The following UBE3A variants were observed in gnomAD, a reference collection of about 807,000 sequenced individuals.
UBE3A encodes ubiquitin protein ligase E3A.
In UBE3A, 6 loss-of-function variants were observed where a neutral mutation model predicts 83.4. The ratio of observed to expected loss-of-function variants is 0.07; its 90% confidence interval spans 0.04 to 0.14. UBE3A has a LOEUF of 0.14. Among genes scored for constraint, UBE3A ranks in the 10% least tolerant of loss-of-function variants. UBE3A has a pLI of 1.00. For synonymous variants in UBE3A, 337 were observed against 355.4 expected (o/e 0.95, Z 0.58); for missense variants, 456 against 1,036.1 (o/e 0.44, Z 7.69).
intron 1 of UBE3A, among the ~76,000 whole-genome samples, chr15:25,416,727 G>A (rs1887048116): frequency 6.6e-6 from 1 of 151,634 alleles, no homozygotes; most frequent in African/African-American, 2.4e-5. Flanking sequence ...TAATTTCAGA[G>A]AAAGATCCGA....
At position 25,336,344 on chromosome 15, in the gene UBE3A, C is replaced by T. The variant is rs951366788; in HGVS notation, c.*2793G>A. On this transcript the variant is annotated 3_prime_UTR_variant, in exon 13 of 13. Transcript: ENST00000648336. ...GACTACACAGGGACTAGTCTTGGGA[C>T]GACATTTCTTCCTCTGACAGTTTGT... 2.6e-5 allele frequency: 4 copies of T among 152,052 alleles called. No homozygotes were observed. The highest frequency in any genetic ancestry group is 4.4e-5 in the Non-Finnish European group (3 of 68,018). The allele number at this position is 152,052 out of a possible 1,614,324, so 9.4% of individuals were successfully genotyped here. A position where few individuals can be genotyped will look rare whatever the true frequency, so the allele number is the denominator to read the frequency against.
At chr15:25,349,479 C>T (rs1023503445) in intron 11 of UBE3A, among the ~76,000 whole-genome samples, 5 of 151,920 alleles carry the variant, frequency 3.3e-5, no homozygotes, top group Admixed American at 3.3e-4. Context: ...TAATCATAAA[C>T]TACTTATCAG....
At chr15:25,358,633 T>C (rs367817111) in intron 7 of UBE3A, among the ~76,000 whole-genome samples, 7 of 152,188 alleles carry the variant, frequency 4.6e-5, no homozygotes, top group Middle Eastern at 3.2e-3. Context: ...AGTATATAAG[T>C]ATTTTAACCT....
intron 4 of UBE3A, among the ~76,000 whole-genome samples, chr15:25,395,171 G>A (rs1457211665): frequency 1.3e-5 from 2 of 152,138 alleles, no homozygotes; most frequent in Non-Finnish European, 2.9e-5. Context: ...TTTAGACAGA[G>A]ATGAGCAAGT....
intron 8 of UBE3A, 78 bp downstream of exon 8, chr15:25,356,612 TA>T (rs2077248920): frequency 7.0e-7 from 1 of 1,423,604 alleles, no homozygotes; most frequent in Non-Finnish European, 9.8e-7. Flanking sequence ...ACAAAAACTT[TA>T]AAATTTTGAC....
At chr15:25,343,575 T>A (rs2075218212) in intron 11 of UBE3A, among the ~76,000 whole-genome samples, 1 of 151,434 alleles carries the variant, frequency 6.6e-6, no homozygotes, top group African/African-American at 2.4e-5. Flanking sequence ...ACAAAGAAAA[T>A]GAATAAAATA....
chr15:25,402,515 G>A (rs1431145925), intron 4 of UBE3A, among the ~76,000 whole-genome samples: 1 of 152,222 alleles, frequency 6.6e-6, no homozygotes, highest in Non-Finnish European at 1.5e-5. Context: ...CACTAGACAG[G>A]CTTAGAGCCT....
intron 4 of UBE3A, among the ~76,000 whole-genome samples, chr15:25,395,496 A>C (rs147069704): frequency 9.1e-4 from 139 of 152,326 alleles, no homozygotes; most frequent in African/African-American, 3.3e-3. Flanking sequence ...ATTTACCAAT[A>C]ATTTGAGTAT....
intron 1 of UBE3A, among the ~76,000 whole-genome samples, chr15:25,420,962 A>T (rs1306592461): frequency 1.3e-5 from 2 of 152,270 alleles, no homozygotes; most frequent in Non-Finnish European, 2.9e-5. Flanking sequence ...ACACAATGAA[A>T]TATTACTCAA....
chr15:25,407,050 T>C (rs1327221203), intron 3 of UBE3A: 1 of 1,335,738 alleles, frequency 7.5e-7, no homozygotes, highest in Non-Finnish European at 9.9e-7. Flanking sequence ...AGCAAGCAAA[T>C]CACCTATGTG....
intron 7 of UBE3A, chr15:25,357,581 C>G (rs2077397170): frequency 1.3e-5 from 2 of 152,304 alleles, no homozygotes; most frequent in Admixed American, 1.3e-4. Context: ...CTCTTGACCT[C>G]GTGATCTGCC....
intron 4 of UBE3A, among the ~76,000 whole-genome samples, chr15:25,396,698 G>C (rs1338790291): frequency 1.3e-5 from 2 of 152,060 alleles, no homozygotes; most frequent in African/African-American, 4.8e-5. Flanking sequence ...TAAATGAAAA[G>C]ATCTGGGTTA....
rs200600854 is a variant in UBE3A, at chr15:25,367,237, ATGTAAATATTTGCATATT to A, written c.1608+3311_1608+3328del. 7.3e-3 allele frequency among the ~76,000 whole-genome samples: 600 copies of A among 82,326 alleles called. 7 individuals are homozygous for A. Among genetic ancestry groups the A allele is most frequent in the African/African-American group, 0.031 (472 of 15,216 alleles). The allele number at this position is 82,326 out of a possible 152,430, so 54.0% of individuals were successfully genotyped here. On this transcript the variant is annotated intron_variant, in intron 6 of 12. Coordinates refer to ENST00000648336, the MANE Select transcript of UBE3A (RefSeq NM_130839.5). ...TGTAAATATTTACATATTTGTAAAT[ATGTAAATATTTGCATATT>A]TGTAAATATGTAAATATTTACATAT...
intron 1 of UBE3A, among the ~76,000 whole-genome samples, chr15:25,413,419 GCAT>G (rs1377987231): frequency 6.6e-6 from 1 of 151,504 alleles, no homozygotes; most frequent in Non-Finnish European, 1.5e-5. Flanking sequence ...GTTCTCCTTT[GCAT>G]CATGTTTATG....
chr15:25,438,096 CTTGAAAACGCCGAGAAAGGGCTCCCCT>C (rs1319791514), intron 1 of UBE3A: 2 of 152,292 alleles, frequency 1.3e-5, no homozygotes, highest in Non-Finnish European at 2.9e-5. Context: ...AGCCAAAAAC[CTTGAAAACGCCGAGAAAGGGCTCCCCT>C]TTGAAGGAAA....
chr15:25,339,265 G>C lies in UBE3A; in HGVS notation c.2499-8C>G. On this transcript the variant is annotated splice_region_variant and splice_polypyrimidine_tract_variant and intron_variant, in intron 12 of 12. Coordinates refer to ENST00000648336, the MANE Select transcript of UBE3A (RefSeq NM_130839.5). ...GTATGAGATGTAGGTAACCTAAATA[G>C]AGAAAAGGGGAAAAAAACAGGAAAA... 1 of 1,611,094 alleles carries C rather than the reference G, an allele frequency of 6.2e-7. No individual in the cohort carries two copies. Among genetic ancestry groups the C allele is most frequent in the Non-Finnish European group, 8.5e-7 (1 of 1,178,786 alleles).
chr15:25,357,141 T>C (rs2077328196), intron 7 of UBE3A, among the ~76,000 whole-genome samples: 1 of 152,144 alleles, frequency 6.6e-6, no homozygotes, highest in Non-Finnish European at 1.5e-5. Flanking sequence ...AGTAAGTAAT[T>C]TGGTGGCATC....
chr15:25,367,245 ATT>A (rs1422144424), intron 6 of UBE3A, among the ~76,000 whole-genome samples: 14 of 74,762 alleles, frequency 1.9e-4, no homozygotes, highest in Non-Finnish European at 3.6e-4. Context: ...ATATGTAAAT[ATT>A]TGCATATTTG....
At chr15:25,341,887 T>A (rs746271037) in intron 11 of UBE3A, among the ~76,000 whole-genome samples, 1 of 151,034 alleles carries the variant, frequency 6.6e-6, no homozygotes, top group Non-Finnish European at 1.5e-5. Flanking sequence ...TATCCCAACA[T>A]ACTATTTTTA....
Sources: gnomAD v4.1 joint callset for allele counts (sites outside exome capture counted in the v4.1 genomes callset) on GRCh38, gnomAD v4.1.1 for gene constraint, MANE v1.5 for transcripts, NCBI Gene and HGNC (gene_info 2026-07-23, HGNC 2026-07-21) for gene names.